HOXA3: variants seen among roughly 807,000 people sequenced by gnomAD.
The protein encoded by HOXA3 is homeobox A3.
Under a neutral mutation model 30.3 loss-of-function variants are expected in HOXA3, and 8 were observed. That is an observed-to-expected ratio of 0.26 (90% confidence interval 0.15 to 0.48). The LOEUF (loss-of-function observed/expected upper bound fraction) is 0.48, where lower values mean the gene tolerates loss of function less well. Among genes scored for constraint, HOXA3 ranks in the 20% least tolerant of loss-of-function variants. The pLI is 0.99. For synonymous variants in HOXA3, 323 were observed against 273.1 expected (o/e 1.18, Z -1.80); for missense variants, 653 against 614.4 (o/e 1.06, Z -0.66).
chr7:27,147,767 G>A, intron 1 of HOXA3: 1 of 1,594,388 alleles, frequency 6.3e-7, no homozygotes, highest in Non-Finnish European at 8.5e-7. Flanking sequence ...CCCCTCTGCA[G>A]GACTGTGATT....
In HOXA3 at chr7:27,108,600, A is replaced by C; in HGVS notation, c.647T>G (p.Leu216Arg). 1 of 1,614,140 alleles carries C rather than the reference A, an allele frequency of 6.2e-7. No individual in the cohort carries two copies. The highest frequency in any genetic ancestry group is 1.3e-5 in the African/African-American group (1 of 75,050). The change falls in exon 6 of 6, where the codon CTG (leucine) becomes CGG (arginine). Residue 216 changes from leucine to arginine, a missense_variant. Leu to Arg is a moderately radical substitution (Grantham distance 102). Around this residue, in one of 3 missense-constraint regions of HOXA3, gnomAD observed 320 missense variants for 321.9 expected, o/e 0.99. Transcript: ENST00000612286. This position sits in a 1 kb window ranked among gnomAD's most constrained non-coding sequence, Gnocchi z 5.0. ...CATCTCCACCCGGCGCGGCCGGCACAGGTAGCGGTTGAAGTGGAACTCTTT... is the reference window on the plus strand; with the variant it reads ...CATCTCCACCCGGCGCGGCCGGCACCGGTAGCGGTTGAAGTGGAACTCTTT... Reference protein sequence around the residue: ...LEKEFHFNRYLCRPRRVEMAN... With the variant: ...LEKEFHFNRYRCRPRRVEMAN...
chr7:27,142,074 C>A (rs1484291327), intron 1 of HOXA3: 2 of 1,613,530 alleles, frequency 1.2e-6, no homozygotes, highest in East Asian at 4.5e-5. Flanking sequence ...CCTTCCGGGC[C>A]GCCTATGTTG....
At chr7:27,149,513 G>A (rs2128063931) in intron 1 of HOXA3, among the ~76,000 whole-genome samples, 1 of 152,350 alleles carries the variant, frequency 6.6e-6, no homozygotes, top group South Asian at 2.1e-4. Flanking sequence ...GAAAGGACTG[G>A]CCTAAGGTCG....
intron 2 of HOXA3, 39 bp downstream of exon 2, chr7:27,140,044 G>C (rs1217497608): frequency 7.7e-6 from 1 of 129,650 alleles, no homozygotes; most frequent in Non-Finnish European, 1.6e-5. Context: ...AGTTTCCAAA[G>C]TACAAATAAA....
chr7:27,145,228 C>A (rs1406882511), intron 1 of HOXA3, among the ~76,000 whole-genome samples: 1 of 152,198 alleles, frequency 6.6e-6, no homozygotes, highest in East Asian at 1.9e-4. Context: ...GGGACTTAGG[C>A]AGAGACGCCC....
chr7:27,152,259 T>G (rs1783000688), intron 1 of HOXA3, 29 bp downstream of exon 1: 3 of 1,269,794 alleles, frequency 2.4e-6, no homozygotes, highest in Non-Finnish European at 3.1e-6. Flanking sequence ...TCACCACCTT[T>G]GCTCCTATCT....
rs1411687137 is a variant in HOXA3 at position 27,147,496 on chromosome 7, A to G, written c.-494+4792T>C. The G allele has an allele frequency of 9.3e-6, 15 of 1,614,008 alleles. No homozygotes were observed. The highest frequency in any genetic ancestry group is 1.3e-5 in the Non-Finnish European group (15 of 1,180,032). On this transcript the variant is annotated intron_variant, in intron 1 of 5. Coordinates refer to ENST00000612286, the MANE Select transcript of HOXA3 (RefSeq NM_153631.3). ...ACTGCCCGAGGGCGAGGCGCCACTG[A>G]GGTCCTTATCAGAATAGAAACACGA...
At chr7:27,139,860 G>T (rs1234566964) in intron 2 of HOXA3, among the ~76,000 whole-genome samples, 1 of 152,152 alleles carries the variant, frequency 6.6e-6, no homozygotes, top group African/African-American at 2.4e-5. Flanking sequence ...TGCAATTAAA[G>T]TTAGGCCTGG....
At chr7:27,117,105 G>A (rs936171216) in intron 4 of HOXA3, among the ~76,000 whole-genome samples, 30 of 152,178 alleles carry the variant, frequency 2.0e-4, no homozygotes, top group Non-Finnish European at 4.4e-4. Context: ...CAGGAGTGTG[G>A]GGTCCCCAAA....
At position 27,142,865 on chromosome 7, in the gene HOXA3, C is replaced by A. The variant is rs1782623219; in HGVS notation, c.-493-2679G>T. 5.0e-6 allele frequency: 3 copies of A among 594,450 alleles called. No individual in the cohort carries two copies. The Admixed American group carries it at 1.1e-4, about 21-fold the overall frequency. 36.8% of individuals were successfully genotyped at this position (594,450 alleles called of 1,614,324 possible). A position where few individuals can be genotyped will look rare whatever the true frequency, so the allele number is the denominator to read the frequency against. On this transcript the variant is annotated intron_variant, in intron 1 of 5. Transcript: ENST00000612286. ...CCATTTCCCCCACTATTTGTGAGCGCAGGGTGCTCGCAAAGAAGAGGAGGA... is the reference window on the plus strand; with the variant it reads ...CCATTTCCCCCACTATTTGTGAGCGAAGGGTGCTCGCAAAGAAGAGGAGGA...
intron 2 of HOXA3, among the ~76,000 whole-genome samples, chr7:27,135,143 C>G (rs1785673221): frequency 6.6e-6 from 1 of 151,930 alleles, no homozygotes; most frequent in African/African-American, 2.4e-5. Flanking sequence ...TTTCTGCTCT[C>G]CCACCCTTCT....
Position 27,108,333 on chromosome 7 carries a change from T to C in HOXA3, c.914A>G (p.Tyr305Cys), listed in dbSNP as rs1464701249. 6.7e-7 allele frequency: 1 copy of C among 1,501,306 alleles called. No homozygotes were observed. The highest frequency in any genetic ancestry group is 9.0e-7 in the Non-Finnish European group (1 of 1,109,714). 93.0% of individuals were successfully genotyped at this position (1,501,306 alleles called of 1,614,324 possible). ...PPFSKPPQGTYGLPPASYPAS... is the reference protein window; with the variant it reads ...PPFSKPPQGTCGLPPASYPAS... Reference sequence around the variant, plus strand: ...AGGGTAGGAGGCGGGGGGCAGCCCGTAGGTACCCTGGGGGGGCTTGGAGAA... The same window carrying C: ...AGGGTAGGAGGCGGGGGGCAGCCCGCAGGTACCCTGGGGGGGCTTGGAGAA... The change falls in exon 6 of 6, where the codon TAC becomes TGC. Residue 305 changes from tyrosine (Y) to cysteine (C), a missense_variant. By Grantham distance (194) the Tyr-to-Cys change is radical. Around this residue, in one of 3 missense-constraint regions of HOXA3, gnomAD observed 330 missense variants for 274.4 expected, o/e 1.20. Coordinates refer to ENST00000612286, the MANE Select transcript of HOXA3 (RefSeq NM_153631.3). The surrounding 1 kb of genome is among the most constrained non-coding windows in gnomAD (Gnocchi z 5.0).
At position 27,129,508 on chromosome 7, in the gene HOXA3, A is replaced by C. The variant is rs1037770856; in HGVS notation, c.-389-2438T>G. 5.0e-6 allele frequency: 8 copies of C among 1,613,902 alleles called. No homozygotes were observed. The African/African-American group carries it at 6.7e-5, about 13-fold the overall frequency. On this transcript the variant is annotated intron_variant, in intron 2 of 5. Coordinates refer to ENST00000612286, the MANE Select transcript of HOXA3 (RefSeq NM_153631.3). ...GTGGAACTCCTTCTCCAGCTCCAAG[A>C]CCTGCTGCCGGGTGTAGGCGGTTCG... is the stretch of plus-strand genomic sequence containing the variant.
chr7:27,111,503 T>A (rs1008651870), intron 4 of HOXA3, among the ~76,000 whole-genome samples: 1 of 152,000 alleles, frequency 6.6e-6, no homozygotes, highest in African/African-American at 2.4e-5. Context: ...TGTGTGTGTG[T>A]GTGTGTGTGT....
chr7:27,108,724 C>G lies in HOXA3; in HGVS notation c.527-4G>C, dbSNP rs372285300. The G allele has an allele frequency of 6.3e-7, 1 of 1,588,488 alleles. No homozygotes were observed. The highest frequency in any genetic ancestry group is 8.6e-7 in the Non-Finnish European group (1 of 1,165,472). On this transcript the variant is annotated splice_region_variant and splice_polypyrimidine_tract_variant and intron_variant, in intron 5 of 5. Transcript: ENST00000612286. The surrounding 1 kb of genome is among the most constrained non-coding windows in gnomAD (Gnocchi z 5.0). ...TTGTCGCCAGCGCAGCTTTCGCCTG[C>G]GAGGACAGAGAGAGGAAGAGCGGCG...
Position 27,147,587 on chromosome 7 carries a change from G to A in HOXA3, c.-494+4701C>T, listed in dbSNP as rs779478368. The A allele has an allele frequency of 2.5e-6, 4 of 1,614,246 alleles. No homozygotes were observed. The East Asian group carries it at 8.9e-5, about 36-fold the overall frequency. On this transcript the variant is annotated intron_variant, in intron 1 of 5. Transcript: ENST00000612286. ...GAGTTGGACTGTTGGTAGAAACAAG[G>A]TGAGGTGTACGTCTTGTCCGGGAGA...
At chr7:27,131,962 C>G (rs1253709494) in intron 2 of HOXA3, among the ~76,000 whole-genome samples, 2 of 151,852 alleles carry the variant, frequency 1.3e-5, no homozygotes, top group Admixed American at 6.6e-5. Flanking sequence ...CTGTTGCCTG[C>G]TATTTGGTAA....
intron 2 of HOXA3, 82 bp downstream of exon 2, chr7:27,140,001 C>CAGAGAAAGAGAGAGAGAG (rs1782493528): frequency 7.0e-6 from 1 of 142,306 alleles, no homozygotes; most frequent in Non-Finnish European, 1.5e-5. Context: ...GTTATTGAAC[C>CAGAGAAAGAGAGAGAGAG]AGAGAGAGAG....
intron 3 of HOXA3, among the ~76,000 whole-genome samples, chr7:27,125,803 C>T (rs1218898039): frequency 6.6e-6 from 1 of 152,180 alleles, no homozygotes; most frequent in Non-Finnish European, 1.5e-5. Context: ...TCTAAAGAGT[C>T]ATTGATCTGT....
Sources: gnomAD v4.1 joint callset for allele counts (sites outside exome capture counted in the v4.1 genomes callset) on GRCh38, gnomAD v4.1.1 for gene constraint, gnomAD v4.1.1 regional missense constraint, Gnocchi (gnomAD v3.1) non-coding constraint, MANE v1.5 for transcripts, NCBI Gene and HGNC (gene_info 2026-07-23, HGNC 2026-07-21) for gene names.